The following CFHR2 variants were observed in gnomAD, a reference collection of about 807,000 sequenced individuals.
The protein encoded by CFHR2 is complement factor H related 2.
In CFHR2, 22 loss-of-function variants were observed where a neutral mutation model predicts 21.7. The observed-to-expected ratio is 1.01, with a 90% CI of 0.72 to 1.45. The LOEUF is 1.45. Ranked by LOEUF, CFHR2 falls within the 40% of genes most tolerant of loss-of-function variation. The pLI, the probability that CFHR2 is intolerant of heterozygous loss-of-function variation, is 0.00. For synonymous variants in CFHR2, 98 were observed against 97.4 expected (o/e 1.01, Z -0.04); for missense variants, 294 against 293.3 (o/e 1.00, Z -0.02).
intron 1 of CFHR2, among the ~76,000 whole-genome samples, chr1:196,946,445 C>T (rs941187433): frequency 3.3e-5 from 5 of 152,036 alleles, no homozygotes; most frequent in African/African-American, 1.2e-4. Flanking sequence ...ATTTTTATGT[C>T]TTTCGAGATA....
rs1027261170 is a variant in CFHR2 at position 196,959,366 on chromosome 1, T to TAA, written c.*287_*288dup. The TAA allele has an allele frequency of 1.4e-5, 4 of 281,492 alleles. No homozygotes were observed. The Admixed American group carries it at 1.9e-4, about 14-fold the overall frequency. The allele number at this position is 281,492 out of a possible 1,614,324, so 17.4% of individuals were successfully genotyped here. On this transcript the variant is annotated 3_prime_UTR_variant, in exon 5 of 5. Coordinates refer to ENST00000367415, the MANE Select transcript of CFHR2 (RefSeq NM_005666.4). ...GTACATAGTAATGTTTCCATATATA[T>TAA]AATGTATAATGGTCAGTTAGGGTAA...
intron 3 of CFHR2, among the ~76,000 whole-genome samples, chr1:196,956,368 T>C (rs1652880001): frequency 6.6e-6 from 1 of 152,256 alleles, no homozygotes; most frequent in African/African-American, 2.4e-5. Context: ...AAAAATATTG[T>C]ATAGTATTCG....
intron 3 of CFHR2, among the ~76,000 whole-genome samples, chr1:196,952,004 T>A (rs1253852491): frequency 6.6e-6 from 1 of 152,212 alleles, no homozygotes; most frequent in African/African-American, 2.4e-5. Context: ...TTTTTTCCAG[T>A]GGGAGGTTAT....
chr1:196,959,157 T>A lies in CFHR2; in HGVS notation c.*77T>A. ...TTATATTTGTTTTCAATTTCATTTT[T>A]CAAGTACTGTTTTACTCATTTTTAT... On this transcript the variant is annotated 3_prime_UTR_variant, in exon 5 of 5. Coordinates refer to ENST00000367415, the MANE Select transcript of CFHR2 (RefSeq NM_005666.4). 1 of 1,056,136 alleles carries A rather than the reference T, an allele frequency of 9.5e-7. No homozygotes were observed. The highest frequency in any genetic ancestry group is 2.7e-5 in the Admixed American group (1 of 37,048). The allele number at this position is 1,056,136 out of a possible 1,614,324, so 65.4% of individuals were successfully genotyped here.
At chr1:196,947,141 G>A (rs1659535888) in intron 1 of CFHR2, among the ~76,000 whole-genome samples, 1 of 152,000 alleles carries the variant, frequency 6.6e-6, no homozygotes, top group African/African-American at 2.4e-5. Context: ...GTGTGTGTGT[G>A]TGTGTGTGTG....
intron 1 of CFHR2, among the ~76,000 whole-genome samples, chr1:196,944,906 C>T (rs1422964935): frequency 6.7e-6 from 1 of 148,188 alleles, no homozygotes; most frequent in Non-Finnish European, 1.5e-5. Flanking sequence ...GATGGACTTT[C>T]ACTCTTGTTT....
chr1:196,951,772 T>C (rs1659736542), intron 3 of CFHR2, among the ~76,000 whole-genome samples: 1 of 152,090 alleles, frequency 6.6e-6, no homozygotes, highest in South Asian at 2.1e-4. Flanking sequence ...GCCACCATAG[T>C]CTCCAAGACT....
At chr1:196,956,096 C>G (rs868091916) in intron 3 of CFHR2, among the ~76,000 whole-genome samples, 2 of 152,136 alleles carry the variant, frequency 1.3e-5, no homozygotes, top group South Asian at 4.1e-4. Flanking sequence ...AACCACCCCC[C>G]ACCAGGTCTC....
intron 3 of CFHR2, among the ~76,000 whole-genome samples, chr1:196,951,855 A>G (rs1219022837): frequency 6.6e-6 from 1 of 152,116 alleles, no homozygotes; most frequent in Non-Finnish European, 1.5e-5. Flanking sequence ...AGAGTCTAGA[A>G]AAGGCCTGTC....
chr1:196,953,218 G>A (rs1652708678), intron 3 of CFHR2, among the ~76,000 whole-genome samples: 1 of 152,118 alleles, frequency 6.6e-6, no homozygotes, highest in Admixed American at 6.6e-5. Context: ...GAATAAAGCA[G>A]CTGGGAAACC....
rs749697937 is a variant in CFHR2, at chr1:196,958,988, T to G, written c.721T>G (p.Cys241Gly). The G allele has an allele frequency of 3.7e-6, 6 of 1,612,264 alleles. No individual in the cohort carries two copies. Among genetic ancestry groups the G allele is most frequent in the Non-Finnish European group, 4.2e-6 (5 of 1,178,742 alleles). Residue 241 changes from cysteine (C) to glycine (G), a missense_variant, in exon 5 of 5, where the codon TGT becomes GGT. By Grantham distance (159) the Cys-to-Gly change is radical. Coordinates refer to ENST00000367415, the MANE Select transcript of CFHR2 (RefSeq NM_005666.4). ...SRTGDIVEFVCKSGYHPTKSH... is the reference protein window; with the variant it reads ...SRTGDIVEFVGKSGYHPTKSH... Reference sequence around the variant, plus strand: ...AACAGGTGACATAGTTGAATTTGTTTGTAAATCTGGATATCATCCAACAAA... The same window carrying G: ...AACAGGTGACATAGTTGAATTTGTTGGTAAATCTGGATATCATCCAACAAA...
rs112017882 is a variant in CFHR2 at position 196,950,514 on chromosome 1, C to T, written c.254-338C>T. Among the ~76,000 whole-genome samples, 961 of 152,194 alleles carry T rather than the reference C, an allele frequency of 6.3e-3. 8 individuals are homozygous for T. The highest frequency in any genetic ancestry group is 0.022 in the African/African-American group (893 of 41,522). ...TTTGAGACAGAGTCTCATTCTGTCA[C>T]CCAGGCTGAAGTGCAGTGGTGCCAT... On this transcript the variant is annotated intron_variant, in intron 2 of 4. Transcript: ENST00000367415.
At position 196,949,457 on chromosome 1, in the gene CFHR2, A is replaced by C; in HGVS notation, c.61A>C (p.Met21Leu). ...TCAGTTTTGTGTTATTTTCCCAGCA[A>C]TGTTCTGTGATTTTCCAAAAATAAA... ...SRISSVGGEAMFCDFPKINHG... is the reference protein window; with the variant it reads ...SRISSVGGEALFCDFPKINHG... Residue 21 changes from methionine (M) to leucine (L), a missense_variant and splice_region_variant, in exon 2 of 5, where the codon ATG becomes CTG. Coordinates refer to ENST00000367415, the MANE Select transcript of CFHR2 (RefSeq NM_005666.4). The C allele has an allele frequency of 1.2e-6, 2 of 1,611,278 alleles. No homozygotes were observed. Among genetic ancestry groups the C allele is most frequent in the Non-Finnish European group, 1.7e-6 (2 of 1,178,168 alleles).
intron 3 of CFHR2, among the ~76,000 whole-genome samples, chr1:196,955,588 C>T (rs1334220938): frequency 6.6e-6 from 1 of 152,172 alleles, no homozygotes; most frequent in Non-Finnish European, 1.5e-5. Flanking sequence ...GTGGCTCACA[C>T]CTGTAATCCT....
intron 3 of CFHR2, among the ~76,000 whole-genome samples, chr1:196,956,367 G>A (rs1056591863): frequency 6.6e-6 from 1 of 152,158 alleles, no homozygotes; most frequent in Non-Finnish European, 1.5e-5. Context: ...GAAAAATATT[G>A]TATAGTATTC....
Position 196,949,505 on chromosome 1 carries a change from G to A in CFHR2, c.109G>A (p.Glu37Lys). 1.2e-6 allele frequency: 2 copies of A among 1,613,836 alleles called. No homozygotes were observed. Among genetic ancestry groups the A allele is most frequent in the Non-Finnish European group, 8.5e-7 (1 of 1,179,896 alleles). Reference protein sequence around the residue: ...KINHGILYDEEKYKPFSQVPT... With the variant: ...KINHGILYDEKKYKPFSQVPT... Reference sequence around the variant, plus strand: ...AAACCATGGAATTCTATATGATGAAGAAAAATATAAGCCATTTTCCCAAGT... The same window carrying A: ...AAACCATGGAATTCTATATGATGAAAAAAAATATAAGCCATTTTCCCAAGT... Residue 37 changes from glutamate to lysine, a missense_variant, in exon 2 of 5, where the codon GAA becomes AAA. Transcript: ENST00000367415.
chr1:196,948,762 G>A (rs189062110), intron 1 of CFHR2, among the ~76,000 whole-genome samples: 312 of 151,824 alleles, frequency 2.1e-3, no homozygotes, highest in African/African-American at 7.2e-3. Context: ...AACCAGTGGG[G>A]CTGACCGTAT....
chr1:196,947,153 G>GTGTGTATATATA (rs545777035), intron 1 of CFHR2, among the ~76,000 whole-genome samples: 11 of 151,776 alleles, frequency 7.2e-5, no homozygotes, highest in African/African-American at 2.7e-4. Context: ...GTGTGTGTGT[G>GTGTGTATATATA]TATCCCAGAA....
intron 1 of CFHR2, among the ~76,000 whole-genome samples, chr1:196,946,383 C>A (rs1364188156): frequency 6.6e-6 from 1 of 151,964 alleles, no homozygotes; most frequent in Non-Finnish European, 1.5e-5. Flanking sequence ...AACTTTTCTT[C>A]GATAATAAAT....
Sources: gnomAD v4.1 joint callset for allele counts (sites outside exome capture counted in the v4.1 genomes callset) on GRCh38, gnomAD v4.1.1 for gene constraint, MANE v1.5 for transcripts, NCBI Gene and HGNC (gene_info 2026-07-23, HGNC 2026-07-21) for gene names.